The following LGSN variants were observed in gnomAD, a reference collection of about 807,000 sequenced individuals.
The protein encoded by LGSN is lengsin, lens protein with glutamine synthetase domain.
Under a neutral mutation model 19.5 loss-of-function variants are expected in LGSN, and 21 were observed. The ratio of observed to expected loss-of-function variants is 1.07; its 90% CI spans 0.76 to 1.55. The LOEUF (loss-of-function observed/expected upper bound fraction) is 1.55. Ranked by LOEUF, LGSN falls within the 40% of genes most tolerant of loss-of-function variation. The pLI is 0.00. For synonymous variants in LGSN, 257 were observed against 215.6 expected (o/e 1.19, Z -1.68); for missense variants, 673 against 608.5 (o/e 1.11, Z -1.12).
chr6:63,353,197 G>A, the LGSN span, among the ~76,000 whole-genome samples: 2 of 152,104 alleles, frequency 1.3e-5, no homozygotes, highest in Non-Finnish European at 2.9e-5. Flanking sequence ...AAGCAGAGGC[G>A]CTGCTTTTTA....
At chr6:63,346,739 C>A in the LGSN span, among the ~76,000 whole-genome samples, 1 of 152,062 alleles carries the variant, frequency 6.6e-6, no homozygotes, top group Middle Eastern at 3.4e-3. Context: ...GACTCTAACT[C>A]TAGGTAGATA....
intron 1 of LGSN, among the ~76,000 whole-genome samples, chr6:63,319,265 C>A (rs1768993703): frequency 6.6e-6 from 1 of 152,186 alleles, no homozygotes. Flanking sequence ...ATGCTTCTTG[C>A]ATTATATTTT....
the LGSN span, among the ~76,000 whole-genome samples, chr6:63,383,983 G>A: frequency 6.6e-5 from 10 of 152,156 alleles, no homozygotes; most frequent in East Asian, 1.7e-3. Context: ...TCTCTAACTT[G>A]ACATTCTAAA....
At chr6:63,420,043 A>G in the LGSN span, among the ~76,000 whole-genome samples, 2 of 151,664 alleles carry the variant, frequency 1.3e-5, no homozygotes, top group African/African-American at 2.4e-5. Context: ...TCTACTAAAA[A>G]TACAAAAAAA....
the LGSN span, among the ~76,000 whole-genome samples, chr6:63,477,672 TCTTCTTC>T: frequency 7.0e-6 from 1 of 143,080 alleles, no homozygotes; most frequent in Admixed American, 7.1e-5. Context: ...TTTTTCTTCT[TCTTCTTC>T]TTTTTTTCTT....
At chr6:63,312,637 C>T (rs1434769401) in intron 1 of LGSN, among the ~76,000 whole-genome samples, 1 of 152,154 alleles carries the variant, frequency 6.6e-6, no homozygotes, top group Non-Finnish European at 1.5e-5. Context: ...TTAAGTGTCC[C>T]TTGTAGAATT....
At chr6:63,557,151 A>G in the LGSN span, among the ~76,000 whole-genome samples, 8 of 152,240 alleles carry the variant, frequency 5.3e-5, no homozygotes, top group Non-Finnish European at 1.0e-4. Flanking sequence ...GATAGATGAC[A>G]TTTAAAAAAT....
chr6:63,522,427 G>A, the LGSN span, among the ~76,000 whole-genome samples: 1 of 152,072 alleles, frequency 6.6e-6, no homozygotes, highest in East Asian at 1.9e-4. Flanking sequence ...TTTCATCAGG[G>A]GACCCTAGTT....
chr6:63,371,922 A>G, the LGSN span, among the ~76,000 whole-genome samples: 2 of 152,198 alleles, frequency 1.3e-5, no homozygotes, highest in Non-Finnish European at 2.9e-5. Context: ...CCCTTTGCAG[A>G]GTAAATACAG....
Position 63,279,071 on chromosome 6 carries a change from T to C in LGSN, c.*950A>G, listed in dbSNP as rs1023193290. 2 of 152,222 alleles carry C rather than the reference T, an allele frequency of 1.3e-5. No individual in the cohort carries two copies. Among genetic ancestry groups the C allele is most frequent in the Non-Finnish European group, 2.9e-5 (2 of 68,032 alleles). 9.4% of individuals were successfully genotyped at this position (152,222 alleles called of 1,614,324 possible). A position where few individuals can be genotyped will look rare whatever the true frequency, so the allele number is the denominator to read the frequency against. On this transcript the variant is annotated 3_prime_UTR_variant, in exon 4 of 4. Coordinates refer to ENST00000370657, the MANE Select transcript of LGSN (RefSeq NM_016571.3). ...AAGGCCTGGAACAGGTAATATTCTC[T>C]GGGGAGGTACCAACCTCTGTGAGCA... is the stretch of plus-strand genomic sequence containing the variant.
At chr6:63,519,997 T>A in the LGSN span, among the ~76,000 whole-genome samples, 1 of 152,236 alleles carries the variant, frequency 6.6e-6, no homozygotes, top group Admixed American at 6.5e-5. Context: ...GTAGACTGAT[T>A]TAATGTATCA....
chr6:63,518,154 CAA>C, the LGSN span, among the ~76,000 whole-genome samples: 33 of 62,062 alleles, frequency 5.3e-4, no homozygotes, highest in East Asian at 4.8e-4. Flanking sequence ...ACTCCGTCTC[CAA>C]AAAAAAAAAA....
intron 1 of LGSN, among the ~76,000 whole-genome samples, chr6:63,312,439 G>A (rs772451312): frequency 6.6e-6 from 1 of 152,092 alleles, no homozygotes; most frequent in Non-Finnish European, 1.5e-5. Context: ...TCATAGTTAT[G>A]TTGTCTTCAT....
At chr6:63,282,268 G>A (rs1430837731) in intron 3 of LGSN, among the ~76,000 whole-genome samples, 1 of 152,192 alleles carries the variant, frequency 6.6e-6, no homozygotes, top group Non-Finnish European at 1.5e-5. Context: ...TAAAAGGTTG[G>A]TTCCCATGAA....
the LGSN span, among the ~76,000 whole-genome samples, chr6:63,404,700 T>C: frequency 3.3e-5 from 5 of 152,144 alleles, no homozygotes; most frequent in South Asian, 4.1e-4. Context: ...CATCTTCTAA[T>C]GTCATAACCT....
the LGSN span, among the ~76,000 whole-genome samples, chr6:63,455,002 A>G: frequency 6.7e-6 from 1 of 149,842 alleles, no homozygotes. Flanking sequence ...CACGTTGGCC[A>G]GGCTGGTCTT....
At chr6:63,500,096 C>A in the LGSN span, among the ~76,000 whole-genome samples, 4 of 152,162 alleles carry the variant, frequency 2.6e-5, no homozygotes, top group African/African-American at 9.7e-5. Context: ...CTGCTCCAAT[C>A]CCCTCAGCTC....
chr6:63,536,539 G>A, the LGSN span, among the ~76,000 whole-genome samples: 36 of 152,156 alleles, frequency 2.4e-4, 1 homozygote, highest in African/African-American at 6.0e-4. Flanking sequence ...AGGAATTTTC[G>A]TGGGGAACAA....
the LGSN span, among the ~76,000 whole-genome samples, chr6:63,386,842 T>C: frequency 6.6e-6 from 1 of 152,184 alleles, no homozygotes; most frequent in Admixed American, 6.5e-5. Context: ...CTCATGCCTG[T>C]AATCTCAATA....
Sources: allele counts gnomAD v4.1 joint callset (sites outside exome capture counted in the v4.1 genomes callset), GRCh38; gene constraint gnomAD v4.1.1; transcripts MANE v1.5; gene names NCBI Gene and HGNC (gene_info 2026-07-23, HGNC 2026-07-21).